Variants in SLC6A19 observed in about 807,000 individuals in gnomAD.
The protein encoded by SLC6A19 is solute carrier family 6 member 19, also known as sodium-dependent neutral amino acid transporter B(0)AT1.
Under a neutral mutation model 68.3 loss-of-function variants are expected in SLC6A19, and 67 were observed. That is an observed-to-expected ratio of 0.98 (90% CI 0.81 to 1.20). SLC6A19 has a LOEUF of 1.20. Among genes scored for constraint, SLC6A19 ranks in the 50% most tolerant of loss-of-function variants. The pLI is 0.00. For synonymous variants in SLC6A19, 392 were observed against 374.9 expected (o/e 1.05, Z -0.53); for missense variants, 813 against 851.6 (o/e 0.95, Z 0.56).
intron 3 of SLC6A19, among the ~76,000 whole-genome samples, chr5:1,211,266 G>A (rs542566743): frequency 5.3e-5 from 8 of 152,372 alleles, no homozygotes; most frequent in African/African-American, 1.7e-4. Context: ...CGCTGGGACT[G>A]TCGGGGCCCT....
Position 1,212,616 on chromosome 5 carries a change from A to T in SLC6A19, c.663+132A>T. ...CTGCCTTTCCCCAGACCCCACCAAGAGAGCTGCCTTTGCCCTTAGGCTCAC... is the reference window on the plus strand; with the variant it reads ...CTGCCTTTCCCCAGACCCCACCAAGTGAGCTGCCTTTGCCCTTAGGCTCAC... On this transcript the variant is annotated intron_variant, in intron 4 of 11. Transcript: ENST00000304460. The surrounding 1 kb of genome is among the most constrained non-coding windows in gnomAD (Gnocchi z 5.1). 1 of 1,197,486 alleles carries T rather than the reference A, an allele frequency of 8.4e-7. No homozygotes were observed. The highest frequency in any genetic ancestry group is 1.2e-6 in the Non-Finnish European group (1 of 843,870). 74.2% of individuals were successfully genotyped at this position (1,197,486 alleles called of 1,614,324 possible). A position where few individuals can be genotyped will look rare whatever the true frequency, so the allele number is the denominator to read the frequency against.
At chr5:1,201,875 C>A in intron 1 of SLC6A19, 23 bp downstream of exon 1, 1 of 1,601,228 alleles carries the variant, frequency 6.2e-7, no homozygotes, top group Non-Finnish European at 8.5e-7. Flanking sequence ...GGCGGGGCTG[C>A]GGGCGAGGCC....
rs1035565614 is a variant in SLC6A19 at position 1,208,864 on chromosome 5, C to T, written c.321C>T (p.Ile107=). ...GCAGCCTGGGTGTGTGGAGCTCCATCCACCCGGCCCTGAAGGGCCTAGGTG... is the reference window on the plus strand; with the variant it reads ...GCAGCCTGGGTGTGTGGAGCTCCATTCACCCGGCCCTGAAGGGCCTAGGTG... The part of the protein sequence containing the change: ...RRGSLGVWSS[I]HPALKGLGLA... Residue 107 remains isoleucine, a synonymous_variant, in exon 2 of 12, where the codon ATC becomes ATT. Coordinates refer to ENST00000304460, the MANE Select transcript of SLC6A19 (RefSeq NM_001003841.3). The T allele has an allele frequency of 1.2e-6, 2 of 1,612,470 alleles. No individual in the cohort carries two copies. The highest frequency in any genetic ancestry group is 1.7e-6 in the Non-Finnish European group (2 of 1,179,832).
At position 1,212,863 on chromosome 5, in the gene SLC6A19, A is replaced by G. The variant is rs1746082837; in HGVS notation, c.663+379A>G. On this transcript the variant is annotated intron_variant, in intron 4 of 11. Transcript: ENST00000304460. The surrounding 1 kb of genome is among the most constrained non-coding windows in gnomAD (Gnocchi z 5.1). ...AAGGCTTGATCTTCCCCTACATGGG[A>G]ATCTTTGGTACGAGGTCCAGAGCGG... Among the ~76,000 whole-genome samples the G allele has an allele frequency of 1.3e-5, 2 of 152,072 alleles. No homozygotes were observed. Among genetic ancestry groups the G allele is most frequent in the African/African-American group, 4.8e-5 (2 of 41,378 alleles).
chr5:1,211,220 A>G (rs1746019266), intron 3 of SLC6A19, among the ~76,000 whole-genome samples: 1 of 152,156 alleles, frequency 6.6e-6, no homozygotes, highest in South Asian at 2.1e-4. Flanking sequence ...TTGGAATAAG[A>G]CAGGTCCTCC....
Position 1,222,076 on chromosome 5 carries a change from G to A in SLC6A19, c.*172G>A. On this transcript the variant is annotated 3_prime_UTR_variant, in exon 12 of 12. Coordinates refer to ENST00000304460, the MANE Select transcript of SLC6A19 (RefSeq NM_001003841.3). ...CCATGTGTGCAGATATGTATCGTGT[G>A]TGCATGTACATGCATGGGCACTGTG... 5 of 738,796 alleles carry A rather than the reference G, an allele frequency of 6.8e-6. No individual in the cohort carries two copies. The highest frequency in any genetic ancestry group is 5.4e-5 in the East Asian group (2 of 37,016). The allele number at this position is 738,796 out of a possible 1,614,324, so 45.8% of individuals were successfully genotyped here.
At position 1,216,543 on chromosome 5, in the gene SLC6A19, T is replaced by C. The variant is rs766212056; in HGVS notation, c.888-15T>C. 7.4e-6 allele frequency: 12 copies of C among 1,613,914 alleles called. No homozygotes were observed. In the Admixed American group the frequency reaches 1.8e-4, roughly 25 times the overall value. ...ACCTCATCGCCAGCCGCCATGACAC[T>C]GGTCTCGTCTGCAGCAACAACTGCG... is the stretch of plus-strand genomic sequence containing the variant. On this transcript the variant is annotated splice_polypyrimidine_tract_variant and intron_variant, in intron 6 of 11. Coordinates refer to ENST00000304460, the MANE Select transcript of SLC6A19 (RefSeq NM_001003841.3).
rs369586720 is a variant in SLC6A19 at position 1,216,966 on chromosome 5, G to A, written c.1173+21G>A. ...CAGAGGTAGGTCCATTCCGGAGCTC[G>A]AGGCAGGGAGAGGGCACCCCTTGCT... is the stretch of plus-strand genomic sequence containing the variant. On this transcript the variant is annotated intron_variant, in intron 8 of 11. Transcript: ENST00000304460. 4.7e-5 allele frequency: 75 copies of A among 1,611,302 alleles called. 3 individuals are homozygous for A. The highest frequency in any genetic ancestry group is 4.2e-4 in the South Asian group (38 of 91,008).
chr5:1,220,251 A>G (rs1196938310), intron 10 of SLC6A19, among the ~76,000 whole-genome samples: 1 of 152,012 alleles, frequency 6.6e-6, no homozygotes, highest in Non-Finnish European at 1.5e-5. Context: ...CTCTACTAAT[A>G]ATACAAAAAT....
intron 1 of SLC6A19, among the ~76,000 whole-genome samples, chr5:1,202,638 A>G (rs1452598379): frequency 6.6e-6 from 1 of 151,876 alleles, no homozygotes; most frequent in Non-Finnish European, 1.5e-5. Flanking sequence ...AAGGTCCAGG[A>G]GGGCCGGGCA....
chr5:1,211,743 G>A (rs1312279925), intron 3 of SLC6A19, among the ~76,000 whole-genome samples: 1 of 151,574 alleles, frequency 6.6e-6, no homozygotes, highest in Non-Finnish European at 1.5e-5. Flanking sequence ...TGAGAGTACA[G>A]TCACGCTTGT....
Position 1,214,315 on chromosome 5 carries a change from C to T in SLC6A19, c.887+250C>T, listed in dbSNP as rs1274137684. ...TGCAGCTTTCCCCACACCCGTCCCT[C>T]CACGAGCCTGGTGCAGACCCCTCCT... is the stretch of plus-strand genomic sequence containing the variant. On this transcript the variant is annotated intron_variant, in intron 6 of 11. Transcript: ENST00000304460. The surrounding 1 kb of genome is among the most constrained non-coding windows in gnomAD (Gnocchi z 7.4). Among the ~76,000 whole-genome samples, 8 of 152,172 alleles carry T rather than the reference C, an allele frequency of 5.3e-5. No individual in the cohort carries two copies. The highest frequency in any genetic ancestry group is 3.3e-4 in the Admixed American group (5 of 15,280).
rs774249385 is a variant in SLC6A19 at position 1,212,092 on chromosome 5, C to A, written c.482-211C>A. On this transcript the variant is annotated intron_variant, in intron 3 of 11. Transcript: ENST00000304460. The surrounding 1 kb of genome is among the most constrained non-coding windows in gnomAD (Gnocchi z 5.1). ...TGTGCAGGTGCATGGACCAGATGTGCACACGAGGGTGTAGCTGTGCATGTG... is the reference window on the plus strand; with the variant it reads ...TGTGCAGGTGCATGGACCAGATGTGAACACGAGGGTGTAGCTGTGCATGTG... 2.7e-5 allele frequency among the ~76,000 whole-genome samples: 4 copies of A among 150,406 alleles called. No individual in the cohort carries two copies. The highest frequency in any genetic ancestry group is 5.9e-5 in the Non-Finnish European group (4 of 67,560).
rs1305738468 is a variant in SLC6A19, at chr5:1,215,286, G to C, written c.887+1221G>C. Among the ~76,000 whole-genome samples, 1 of 152,176 alleles carries C rather than the reference G, an allele frequency of 6.6e-6. No homozygotes were observed. Among genetic ancestry groups the C allele is most frequent in the Non-Finnish European group, 1.5e-5 (1 of 68,028 alleles). On this transcript the variant is annotated intron_variant, in intron 6 of 11. Transcript: ENST00000304460. The surrounding 1 kb of genome is among the most constrained non-coding windows in gnomAD (Gnocchi z 5.1). ...TGAATACCACACAACTCCCCCATTT[G>C]GAATGCCCAGTTCAATGGTCTTAAG...
At chr5:1,213,761 G>A (rs1419973459) in intron 5 of SLC6A19, among the ~76,000 whole-genome samples, 188 bp downstream of exon 5, 3 of 152,070 alleles carry the variant, frequency 2.0e-5, no homozygotes, top group Admixed American at 1.3e-4. Flanking sequence ...GGCAGCTCCT[G>A]GGAGGGTGGC....
Position 1,222,488 on chromosome 5 carries a change from A to G in SLC6A19, c.*584A>G. 2.3e-6 allele frequency: 1 copy of G among 427,512 alleles called. No individual in the cohort carries two copies. The allele number at this position is 427,512 out of a possible 1,614,324, so 26.5% of individuals were successfully genotyped here. ...AGTATATATGCACATGTGTATATGT[A>G]CATGTATGCCTGTGTGACGTGTGTA... On this transcript the variant is annotated 3_prime_UTR_variant, in exon 12 of 12. Coordinates refer to ENST00000304460, the MANE Select transcript of SLC6A19 (RefSeq NM_001003841.3).
intron 5 of SLC6A19, 25 bp downstream of exon 5, chr5:1,213,598 C>T (rs1417711860): frequency 1.3e-6 from 2 of 1,597,102 alleles, no homozygotes; most frequent in Non-Finnish European, 1.7e-6. Context: ...CTGCCCTGGG[C>T]CCAGACCCCG....
intron 1 of SLC6A19, among the ~76,000 whole-genome samples, chr5:1,207,070 T>C (rs1745874200): frequency 6.6e-6 from 1 of 152,186 alleles, no homozygotes; most frequent in African/African-American, 2.4e-5. Flanking sequence ...GGTGCTCGGG[T>C]TCAGGTAGGA....
At position 1,201,639 on chromosome 5, in the gene SLC6A19, C is replaced by A. The variant is rs1207720040; in HGVS notation, c.-12C>A. On this transcript the variant is annotated 5_prime_UTR_variant, in exon 1 of 12. Transcript: ENST00000304460. ...CCCTGCCTGCTGTGTGCGGAGCCGT[C>A]CAGCGACCACCATGGTGAGGCTCGT... 6.2e-7 allele frequency: 1 copy of A among 1,602,368 alleles called. No individual in the cohort carries two copies. The highest frequency in any genetic ancestry group is 2.2e-5 in the East Asian group (1 of 44,784).
Sources: gnomAD v4.1 joint callset for allele counts (sites outside exome capture counted in the v4.1 genomes callset) on GRCh38, gnomAD v4.1.1 for gene constraint, Gnocchi (gnomAD v3.1) non-coding constraint, MANE v1.5 for transcripts, NCBI Gene and HGNC (gene_info 2026-07-23, HGNC 2026-07-21) for gene names.